ZMAT5: variants seen among roughly 807,000 people sequenced by gnomAD.
The protein encoded by ZMAT5 is zinc finger matrin-type 5.
ZMAT5 carries 23 observed loss-of-function variants against 28.0 expected under a neutral mutation model. That is an observed-to-expected ratio of 0.82 (90% CI 0.59 to 1.16). The LOEUF (loss-of-function observed/expected upper bound fraction) is 1.16. Among genes scored for constraint, ZMAT5 ranks in the 50% most tolerant of loss-of-function variants. The pLI, the probability that ZMAT5 is intolerant of heterozygous loss-of-function variation, is 0.00. For missense variants in ZMAT5, 173 were observed against 212.7 expected (o/e 0.81, Z 1.16); for synonymous variants, 76 against 84.1 (o/e 0.90, Z 0.52).
chr22:29,759,273 C>A (rs1204636839), intron 1 of ZMAT5, among the ~76,000 whole-genome samples: 1 of 152,136 alleles, frequency 6.6e-6, no homozygotes, highest in Non-Finnish European at 1.5e-5. Flanking sequence ...CTTCTTCTCT[C>A]CCGAGTCTGG....
intron 4 of ZMAT5, among the ~76,000 whole-genome samples, chr22:29,739,548 C>T (rs550222263): frequency 6.6e-6 from 1 of 152,314 alleles, no homozygotes; most frequent in South Asian, 2.1e-4. Flanking sequence ...TTACAGAGGA[C>T]GTGGCAGAGC....
At position 29,742,486 on chromosome 22, in the gene ZMAT5, AG is replaced by A. The variant is rs574234687; in HGVS notation, c.128-7del. 5.0e-5 allele frequency: 80 copies of A among 1,612,258 alleles called. No individual in the cohort carries two copies. In the South Asian group the frequency reaches 7.9e-4, roughly 16 times the overall value. ...CAGCAAGATGGCAGCTGCATCTGCG[AG>A]AGAAGAGAGGGACGGGATTCGGATG... is the stretch of plus-strand genomic sequence containing the variant. On this transcript the variant is annotated splice_polypyrimidine_tract_variant and splice_region_variant and intron_variant, in intron 2 of 5. Coordinates refer to ENST00000344318, the MANE Select transcript of ZMAT5 (RefSeq NM_001003692.2).
At chr22:29,745,590 G>C (rs1222391215) in intron 2 of ZMAT5, among the ~76,000 whole-genome samples, 1 of 152,208 alleles carries the variant, frequency 6.6e-6, no homozygotes, top group Non-Finnish European at 1.5e-5. Flanking sequence ...AAGCTCTTAT[G>C]TGCCATGCAG....
chr22:29,760,911 A>G (rs1392504257), intron 1 of ZMAT5, among the ~76,000 whole-genome samples: 1 of 152,198 alleles, frequency 6.6e-6, no homozygotes, highest in Non-Finnish European at 1.5e-5. Flanking sequence ...GAAGCATAAG[A>G]GCAAATCAAA....
intron 5 of ZMAT5, chr22:29,731,942 A>G (rs2067850240): frequency 6.6e-6 from 1 of 152,122 alleles, no homozygotes; most frequent in African/African-American, 2.4e-5. Context: ...AGAAAAAAAC[A>G]TTGTCTAAAT....
chr22:29,735,855 G>A (rs144198895), intron 5 of ZMAT5, among the ~76,000 whole-genome samples: 10 of 152,242 alleles, frequency 6.6e-5, no homozygotes, highest in Admixed American at 1.3e-4. Context: ...AATTCATAGC[G>A]CCTTGTTTCA....
chr22:29,746,850 G>C (rs978051958), intron 2 of ZMAT5: 3 of 152,194 alleles, frequency 2.0e-5, no homozygotes, highest in African/African-American at 7.2e-5. Context: ...GCTCCCTCTA[G>C]ATCACAGCCC....
chr22:29,733,805 C>A (rs1569333674), intron 5 of ZMAT5, among the ~76,000 whole-genome samples: 1 of 152,224 alleles, frequency 6.6e-6, no homozygotes. Flanking sequence ...CAAGTCTCAG[C>A]CCCGTGCCCC....
At chr22:29,745,429 G>A (rs1002449591) in intron 2 of ZMAT5, among the ~76,000 whole-genome samples, 9 of 152,218 alleles carry the variant, frequency 5.9e-5, no homozygotes, top group African/African-American at 1.9e-4. Flanking sequence ...CTAATTGGGC[G>A]CAAGCTCGCT....
rs567411814 is a variant in ZMAT5 at position 29,751,157 on chromosome 22, G to A, written c.-27-2586C>T. Among the ~76,000 whole-genome samples the A allele has an allele frequency of 3.9e-5, 6 of 152,266 alleles. No individual in the cohort carries two copies. The South Asian group carries it at 1.0e-3, about 26-fold the overall frequency. ...TTGAAGCTCCCAGAAGCTTGCTGGCGCTGGAGAGTAATGGGGAAGGGAGGG... is the reference window on the plus strand; with the variant it reads ...TTGAAGCTCCCAGAAGCTTGCTGGCACTGGAGAGTAATGGGGAAGGGAGGG... On this transcript the variant is annotated intron_variant, in intron 1 of 5. Transcript: ENST00000344318.
chr22:29,742,489 G>C lies in ZMAT5; in HGVS notation c.128-9C>G, dbSNP rs759867412. On this transcript the variant is annotated splice_polypyrimidine_tract_variant and intron_variant, in intron 2 of 5. Coordinates refer to ENST00000344318, the MANE Select transcript of ZMAT5 (RefSeq NM_001003692.2). ...CAAGATGGCAGCTGCATCTGCGAGA[G>C]AAGAGAGGGACGGGATTCGGATGGT... The C allele has an allele frequency of 5.0e-6, 8 of 1,611,952 alleles. No individual in the cohort carries two copies. Among genetic ancestry groups the C allele is most frequent in the African/African-American group, 1.3e-5 (1 of 74,932 alleles).
rs1440681157 is a variant in ZMAT5, at chr22:29,742,345, T to G, written c.190+73A>C. ...GTGGCCCGGGTCGGGGAAGACACTC[T>G]GCAGAGGTCCAAGTGGGGCAGGCTG... On this transcript the variant is annotated intron_variant, in intron 3 of 5. Coordinates refer to ENST00000344318, the MANE Select transcript of ZMAT5 (RefSeq NM_001003692.2). The G allele has an allele frequency of 4.6e-6, 7 of 1,507,932 alleles. No homozygotes were observed. In the East Asian group the frequency reaches 1.4e-4, roughly 29 times the overall value. The allele number at this position is 1,507,932 out of a possible 1,614,324, so 93.4% of individuals were successfully genotyped here.
In ZMAT5 at chr22:29,766,949, C is replaced by T. The variant is rs1160474064; in HGVS notation, c.-105G>A. 1 of 157,978 alleles carries T rather than the reference C, an allele frequency of 6.3e-6. No homozygotes were observed. Among genetic ancestry groups the T allele is most frequent in the Non-Finnish European group, 1.4e-5 (1 of 70,960 alleles). The allele number at this position is 157,978 out of a possible 1,614,324, so 9.8% of individuals were successfully genotyped here. On this transcript the variant is annotated 5_prime_UTR_variant, in exon 1 of 6. Coordinates refer to ENST00000344318, the MANE Select transcript of ZMAT5 (RefSeq NM_001003692.2). ...CCCCTCGACGTCTCGCGGAAGGTAC[C>T]TGGCTCCCCGGTGGCTGCAGCTCCG...
At chr22:29,764,032 G>T (rs192507325) in intron 1 of ZMAT5, among the ~76,000 whole-genome samples, 83 of 152,120 alleles carry the variant, frequency 5.5e-4, no homozygotes, top group South Asian at 2.5e-3. Flanking sequence ...TGAAGCAGGT[G>T]AATTGCTTGA....
intron 2 of ZMAT5, among the ~76,000 whole-genome samples, chr22:29,742,992 T>C (rs558073770): frequency 1.8e-4 from 27 of 151,988 alleles, no homozygotes; most frequent in African/African-American, 6.5e-4. Context: ...TGGTGTCTCA[T>C]TATGTTGCCC....
chr22:29,743,381 G>A (rs2067981824), intron 2 of ZMAT5, among the ~76,000 whole-genome samples: 1 of 152,022 alleles, frequency 6.6e-6, no homozygotes, highest in Non-Finnish European at 1.5e-5. Context: ...TGTAGCATCG[G>A]CAATCACTCT....
At position 29,742,479 on chromosome 22, in the gene ZMAT5, A is replaced by G. The variant is rs200163764; in HGVS notation, c.129T>C (p.Asp43=). ...GCTCATCCAGCAAGATGGCAGCTGC[A>G]TCTGCGAGAGAAGAGAGGGACGGGA... The part of the protein sequence containing the change: ...AKKVWYDMFR[D]AAAILLDEQN... Residue 43 remains aspartate, a splice_region_variant and synonymous_variant, in exon 3 of 6, where the codon GAT becomes GAC. Coordinates refer to ENST00000344318, the MANE Select transcript of ZMAT5 (RefSeq NM_001003692.2). The G allele has an allele frequency of 4.0e-5, 64 of 1,612,510 alleles. No individual in the cohort carries two copies. In the Middle Eastern group the frequency reaches 4.9e-4, roughly 12 times the overall value.
At chr22:29,756,432 C>A (rs1218802986) in intron 1 of ZMAT5, among the ~76,000 whole-genome samples, 1 of 152,194 alleles carries the variant, frequency 6.6e-6, no homozygotes, top group Admixed American at 6.5e-5. Context: ...GGGTGGCAGC[C>A]ACACACCTTT....
At chr22:29,745,379 G>A (rs925616092) in intron 2 of ZMAT5, among the ~76,000 whole-genome samples, 10 of 152,358 alleles carry the variant, frequency 6.6e-5, no homozygotes, top group African/African-American at 2.4e-4. Flanking sequence ...AGGTCATGGA[G>A]GCCTGGGCAG....
Sources: allele counts gnomAD v4.1 joint callset (sites outside exome capture counted in the v4.1 genomes callset), GRCh38; gene constraint gnomAD v4.1.1; transcripts MANE v1.5; gene names NCBI Gene and HGNC (gene_info 2026-07-23, HGNC 2026-07-21).